Variants in MORC4 observed in about 807,000 individuals in gnomAD.
MORC4 encodes MORC family CW-type zinc finger 4, also known as MORC family CW-type zinc finger protein 4.
MORC4 carries 22 observed loss-of-function variants against 65.5 expected under a neutral mutation model. That is an observed-to-expected ratio of 0.34 (90% CI 0.24 to 0.48). MORC4 has a LOEUF of 0.48. MORC4 is among the 20% of genes least tolerant of loss of function. The pLI, the probability that MORC4 is intolerant of heterozygous loss-of-function variation, is 0.99. For missense variants in MORC4, 624 were observed against 703.0 expected, an observed-to-expected ratio of 0.89 and a Z score of 1.27; for synonymous variants, 267 against 255.8, an observed-to-expected ratio of 1.04 and a Z score of -0.42.
intron 7 of MORC4, among the ~76,000 whole-genome samples, chrX:106,978,869 AAGAACAATGAATAGTCCTGT>A (rs1167267114): frequency 1.8e-5 from 2 of 111,626 alleles, no homozygotes; most frequent in Admixed American, 9.5e-5. Flanking sequence ...AGCAAAGGTA[AAGAACAATGAATAGTCCTGT>A]AGTGATATAT....
At chrX:106,945,311 C>T (rs1259147309) in intron 14 of MORC4, among the ~76,000 whole-genome samples, 2 of 110,709 alleles carry the variant, frequency 1.8e-5, no homozygotes, top group Admixed American at 9.7e-5. Context: ...GACTGGAGTG[C>T]CCTTCTTCTA....
chrX:106,944,866 C>G (rs1933785071), intron 14 of MORC4, among the ~76,000 whole-genome samples: 2 of 111,694 alleles, frequency 1.8e-5, no homozygotes, highest in Admixed American at 1.9e-4. Context: ...TGGACTACTG[C>G]AATGGCTTCC....
intron 2 of MORC4, among the ~76,000 whole-genome samples, chrX:106,996,089 G>T (rs752912027): frequency 1.8e-5 from 2 of 111,101 alleles, no homozygotes; most frequent in African/African-American, 6.6e-5. Flanking sequence ...TTTACCCAAC[G>T]GTGCATTCAA....
chrX:106,952,043 C>T (rs1042030976), intron 14 of MORC4, among the ~76,000 whole-genome samples: 1 of 101,318 alleles, frequency 9.9e-6, no homozygotes, highest in Non-Finnish European at 2.0e-5. Context: ...AAACTATATG[C>T]ACTTTATATG....
In MORC4 at chrX:106,955,092, T is replaced by C. The variant is rs1934074511; in HGVS notation, c.1510-4A>G. 5 of 1,168,565 alleles carry C rather than the reference T, an allele frequency of 4.3e-6. No individual in the cohort carries two copies. The highest frequency in any genetic ancestry group is 1.8e-5 in the African/African-American group (1 of 56,175). ...TCTTTGGTGGATTACTGAATACCTA[T>C]AAAAGACAGAAATGATTTGTAAAAG... On this transcript the variant is annotated splice_polypyrimidine_tract_variant and splice_region_variant and intron_variant, in intron 13 of 16. Transcript: ENST00000355610.
rs758240772 is a variant in MORC4, at chrX:106,942,596, G to A, written c.2295C>T (p.Asn765=). Residue 765 remains asparagine (N), a synonymous_variant, in exon 15 of 17, where the codon AAC becomes AAT. Coordinates refer to ENST00000355610, the MANE Select transcript of MORC4 (RefSeq NM_024657.5). The part of the protein sequence containing the change: ...SEGHNTPKLK[N]QRELEELKRT... ...TCTTCAATTCTTCCAGCTCTCTCTGGTTCTTCAACTTTGGTGTATTATGAC... is the reference window on the plus strand; with the variant it reads ...TCTTCAATTCTTCCAGCTCTCTCTGATTCTTCAACTTTGGTGTATTATGAC... 8 of 1,211,056 alleles carry A rather than the reference G, an allele frequency of 6.6e-6. No homozygotes were observed. The South Asian group carries it at 1.1e-4, about 16-fold the overall frequency.
rs1453458029 is a variant in MORC4, at chrX:106,942,135, C to G, written c.2463G>C (p.Glu821Asp). 8.3e-7 allele frequency: 1 copy of G among 1,211,190 alleles called. No homozygotes were observed. The highest frequency in any genetic ancestry group is 1.8e-5 in the South Asian group (1 of 56,919). ...QHELVIYSTQ[E>D]AEGLYWSKKH... ...TCTTGCTCCAGTACAAGCCTTCCGCCTCCTGGGTACTGTAGATCACCAATT... is the reference window on the plus strand; with the variant it reads ...TCTTGCTCCAGTACAAGCCTTCCGCGTCCTGGGTACTGTAGATCACCAATT... The change falls in exon 16 of 17, where the codon GAG becomes GAC. Residue 821 changes from glutamate to aspartate, a missense_variant. Physicochemically the swap from Glu to Asp is conservative, Grantham distance 45. Transcript: ENST00000355610.
chrX:106,963,227 G>A (rs1934291028), intron 9 of MORC4, among the ~76,000 whole-genome samples: 1 of 111,945 alleles, frequency 8.9e-6, no homozygotes, highest in Non-Finnish European at 1.9e-5. Context: ...ATGGGAAGAT[G>A]GCAGAATAAG....
chrX:106,944,536 T>C (rs1448556653), intron 14 of MORC4, among the ~76,000 whole-genome samples: 1 of 111,527 alleles, frequency 9.0e-6, no homozygotes, highest in African/African-American at 3.3e-5. Flanking sequence ...AACTATCTTC[T>C]CTTCTGACCC....
intron 2 of MORC4, among the ~76,000 whole-genome samples, chrX:106,996,333 G>A (rs1935080869): frequency 9.1e-6 from 1 of 109,394 alleles, no homozygotes; most frequent in African/African-American, 3.3e-5. Flanking sequence ...GCATGCAAGA[G>A]GCCAGGGTCA....
chrX:106,956,282 G>A (rs1934102995), intron 13 of MORC4, among the ~76,000 whole-genome samples, 198 bp downstream of exon 13: 1 of 112,087 alleles, frequency 8.9e-6, no homozygotes, highest in Non-Finnish European at 1.9e-5. Flanking sequence ...TAAACGATTC[G>A]ACTCTTCTAC....
chrX:106,952,192 C>T (rs192967153), intron 14 of MORC4, among the ~76,000 whole-genome samples: 1 of 110,494 alleles, frequency 9.1e-6, no homozygotes, highest in East Asian at 2.8e-4. Context: ...GATGGGCATA[C>T]GCTCTGAGAA....
rs752283079 is a variant in MORC4 at position 106,943,111 on chromosome X, C to A, written c.1780G>T (p.Ala594Ser). 1.7e-6 allele frequency: 2 copies of A among 1,209,183 alleles called. No homozygotes were observed. Among genetic ancestry groups the A allele is most frequent in the African/African-American group, 3.5e-5 (2 of 57,217 alleles). Reference sequence around the variant, plus strand: ...GGTGCTTCTACCCTCCTGTAAGGAGCAGGCATGGAATAATCTAGAGAAGGT... The same window carrying A: ...GGTGCTTCTACCCTCCTGTAAGGAGAAGGCATGGAATAATCTAGAGAAGGT... ...TTPSLDYSMP[A>S]PYRRVEAPVA... Residue 594 changes from alanine (A) to serine (S), a missense_variant, in exon 15 of 17, where the codon GCT becomes TCT. By Grantham distance (99) the Ala-to-Ser change is moderately conservative. Transcript: ENST00000355610.
chrX:106,981,990 T>C (rs967862881), intron 5 of MORC4, among the ~76,000 whole-genome samples: 28 of 112,213 alleles, frequency 2.5e-4, no homozygotes, highest in Non-Finnish European at 3.9e-4. Context: ...TCCTCTAGGA[T>C]ACCATTTATA....
rs368221432 is a variant in MORC4, at chrX:106,942,781, A to G, written c.2110T>C (p.Ser704Pro). 2.5e-6 allele frequency: 3 copies of G among 1,209,731 alleles called. No homozygotes were observed. Among genetic ancestry groups the G allele is most frequent in the Non-Finnish European group, 3.4e-6 (3 of 895,132 alleles). Residue 704 changes from serine to proline, a missense_variant, in exon 15 of 17, where the codon TCA becomes CCA. By Grantham distance (74) the Ser-to-Pro change is moderately conservative. Transcript: ENST00000355610. ...VVGVAKGVRD[S>P]GAPIQLIPFN... ...GGGATCAGCTGAATGGGAGCTCCTG[A>G]ATCTCTAACACCTTTGGCAACACCC...
At chrX:106,990,274 T>C (rs1934955962) in intron 3 of MORC4, among the ~76,000 whole-genome samples, 1 of 110,614 alleles carries the variant, frequency 9.0e-6, no homozygotes, top group Admixed American at 9.5e-5. Flanking sequence ...TATTTATTTT[T>C]GAGACAAGGT....
At chrX:106,989,235 G>GAA (rs1170695817) in intron 3 of MORC4, among the ~76,000 whole-genome samples, 5 of 112,170 alleles carry the variant, frequency 4.5e-5, no homozygotes, top group African/African-American at 1.6e-4. Context: ...CTTTGAAAGA[G>GAA]GTTTTCCACC....
chrX:106,985,536 T>C (rs969930711), intron 4 of MORC4, among the ~76,000 whole-genome samples: 2 of 112,126 alleles, frequency 1.8e-5, no homozygotes, highest in Non-Finnish European at 3.8e-5. Context: ...ACCTTATTGC[T>C]ATACTGTTCC....
intron 14 of MORC4, among the ~76,000 whole-genome samples, chrX:106,944,804 C>T (rs1220074651): frequency 5.4e-5 from 6 of 111,488 alleles, no homozygotes; most frequent in African/African-American, 2.0e-4. Flanking sequence ...AATATTTATA[C>T]GGTAGGTTTA....
Sources: gnomAD v4.1 joint callset for allele counts (sites outside exome capture counted in the v4.1 genomes callset) on GRCh38, gnomAD v4.1.1 for gene constraint, MANE v1.5 for transcripts, NCBI Gene and HGNC (gene_info 2026-07-23, HGNC 2026-07-21) for gene names.